ROBO1: variants seen among roughly 807,000 people sequenced by gnomAD.
ROBO1 encodes roundabout guidance receptor 1, also known as roundabout homolog 1.
ROBO1 carries 149 observed loss-of-function variants against 195.9 expected under a neutral mutation model. That is an observed-to-expected ratio of 0.76 (90% CI 0.67 to 0.87). The LOEUF (loss-of-function observed/expected upper bound fraction) is 0.87. Among genes scored for constraint, ROBO1 ranks in the 40% least tolerant of loss-of-function variants. ROBO1 has a pLI of 0.00. For missense variants in ROBO1, 1,933 were observed against 2,068.3 expected (o/e 0.93, Z 1.27); for synonymous variants, 816 against 733.2 (o/e 1.11, Z -1.82).
chr3:78,783,960 A>G (rs1302580433), intron 4 of ROBO1, among the ~76,000 whole-genome samples: 2 of 152,160 alleles, frequency 1.3e-5, no homozygotes, highest in African/African-American at 4.8e-5. Context: ...TTGTGGCTCT[A>G]TGAAATATTA....
At chr3:79,530,885 T>C (rs147500065) in intron 2 of ROBO1, among the ~76,000 whole-genome samples, 241 of 152,116 alleles carry the variant, frequency 1.6e-3, no homozygotes, top group African/African-American at 5.5e-3. Flanking sequence ...CTGCATGATC[T>C]GTCCCCAGTT....
intron 10 of ROBO1, among the ~76,000 whole-genome samples, chr3:78,673,568 A>T (rs1479079958): frequency 6.3e-5 from 2 of 31,516 alleles, no homozygotes; most frequent in African/African-American, 3.2e-4. Context: ...TATTTTATAT[A>T]TATATATATA....
At chr3:79,102,218 G>A (rs1451011646) in intron 3 of ROBO1, among the ~76,000 whole-genome samples, 2 of 151,656 alleles carry the variant, frequency 1.3e-5, no homozygotes, top group Non-Finnish European at 2.9e-5. Context: ...AGATTCAAAG[G>A]ATGTATAATT....
intron 1 of ROBO1, among the ~76,000 whole-genome samples, chr3:79,632,364 G>A (rs956756476): frequency 6.6e-6 from 1 of 152,046 alleles, no homozygotes; most frequent in African/African-American, 2.4e-5. Context: ...TATCCTAAAT[G>A]AATAACTCAA....
chr3:78,937,814 T>C (rs1020491645), intron 4 of ROBO1, among the ~76,000 whole-genome samples: 1 of 152,170 alleles, frequency 6.6e-6, no homozygotes, highest in Non-Finnish European at 1.5e-5. Context: ...CATATACATA[T>C]ACTTTTTTGA....
At chr3:78,800,273 A>G (rs889195675) in intron 4 of ROBO1, among the ~76,000 whole-genome samples, 1 of 152,210 alleles carries the variant, frequency 6.6e-6, no homozygotes, top group African/African-American at 2.4e-5. Context: ...AAGATAACTA[A>G]GGTATTTACC....
At chr3:79,293,621 A>G (rs1239985590) in intron 2 of ROBO1, among the ~76,000 whole-genome samples, 2 of 152,310 alleles carry the variant, frequency 1.3e-5, no homozygotes, top group East Asian at 3.9e-4. Flanking sequence ...GCTCAAGGAA[A>G]TAGCAGAGGA....
chr3:79,515,527 G>A (rs997239933), intron 2 of ROBO1, among the ~76,000 whole-genome samples: 8 of 152,104 alleles, frequency 5.3e-5, no homozygotes, highest in South Asian at 2.1e-4. Flanking sequence ...TTAACAATTC[G>A]TATCCTTAGT....
intron 5 of ROBO1, among the ~76,000 whole-genome samples, chr3:78,730,917 C>T (rs1050062613): frequency 5.3e-5 from 8 of 152,134 alleles, no homozygotes; most frequent in Non-Finnish European, 8.8e-5. Context: ...ACAGGTCTGA[C>T]CTAGCGCTTA....
chr3:78,990,229 A>AAG (rs2077204903), intron 3 of ROBO1, among the ~76,000 whole-genome samples: 1 of 152,192 alleles, frequency 6.6e-6, no homozygotes, highest in South Asian at 2.1e-4. Flanking sequence ...GCGATATGCC[A>AAG]TTTTGGTCAT....
intron 2 of ROBO1, among the ~76,000 whole-genome samples, chr3:79,560,379 G>A (rs1472193218): frequency 2.9e-5 from 3 of 102,612 alleles, no homozygotes; most frequent in Non-Finnish European, 5.4e-5. Context: ...TCTGGGGACT[G>A]TTGTGGGGTG....
chr3:79,071,720 AC>A (rs2079092889), intron 3 of ROBO1, among the ~76,000 whole-genome samples: 1 of 135,014 alleles, frequency 7.4e-6, no homozygotes, highest in Non-Finnish European at 1.6e-5. Context: ...ACACACATGC[AC>A]ATGCACACAC....
At chr3:78,839,239 T>A (rs1293065630) in intron 4 of ROBO1, among the ~76,000 whole-genome samples, 1 of 152,088 alleles carries the variant, frequency 6.6e-6, no homozygotes, top group Non-Finnish European at 1.5e-5. Flanking sequence ...CTAAGTTATT[T>A]TTTTAAAAAT....
At chr3:79,100,938 A>C (rs1310650847) in intron 3 of ROBO1, among the ~76,000 whole-genome samples, 2 of 151,828 alleles carry the variant, frequency 1.3e-5, no homozygotes, top group Admixed American at 6.6e-5. Flanking sequence ...AGGATTTTGA[A>C]AGCTGGTTGG....
At chr3:79,693,363 A>G (rs1947349494) in intron 1 of ROBO1, among the ~76,000 whole-genome samples, 1 of 150,476 alleles carries the variant, frequency 6.6e-6, no homozygotes, top group South Asian at 2.1e-4. Flanking sequence ...TTAATAAAAT[A>G]CACATCAATA....
chr3:79,601,000 A>G (rs1386579986), intron 1 of ROBO1, among the ~76,000 whole-genome samples: 49 of 152,010 alleles, frequency 3.2e-4, no homozygotes, highest in Non-Finnish European at 2.9e-5. Flanking sequence ...CGATGGAGAT[A>G]AGTTACAAGC....
chr3:79,372,882 A>G (rs1435206394), intron 2 of ROBO1, among the ~76,000 whole-genome samples: 2 of 151,428 alleles, frequency 1.3e-5, no homozygotes, highest in Non-Finnish European at 2.9e-5. Flanking sequence ...TGTTGTAAAA[A>G]CTAGTATTTT....
At chr3:79,162,470 A>T (rs892400872) in intron 2 of ROBO1, among the ~76,000 whole-genome samples, 3 of 152,118 alleles carry the variant, frequency 2.0e-5, no homozygotes, top group African/African-American at 7.2e-5. Context: ...TCTACTTTAA[A>T]TAACATCATG....
chr3:79,556,934 A>G (rs970517647), intron 2 of ROBO1, among the ~76,000 whole-genome samples: 1 of 150,294 alleles, frequency 6.7e-6, no homozygotes, highest in Non-Finnish European at 1.5e-5. Context: ...CTTTATTTTT[A>G]TTTTTTATCT....
Sources: gnomAD v4.1 joint callset for allele counts (sites outside exome capture counted in the v4.1 genomes callset) on GRCh38, gnomAD v4.1.1 for gene constraint, MANE v1.5 for transcripts, NCBI Gene and HGNC (gene_info 2026-07-23, HGNC 2026-07-21) for gene names.